GRIA3: variants seen among roughly 807,000 people sequenced by gnomAD.
GRIA3 encodes glutamate ionotropic receptor AMPA type subunit 3.
GRIA3 carries 3 observed loss-of-function variants against 63.0 expected under a neutral mutation model. The ratio of observed to expected loss-of-function variants is 0.05; its 90% CI spans 0.02 to 0.12. GRIA3 has a LOEUF of 0.12. Ranked by LOEUF, GRIA3 falls within the 10% of genes least tolerant of loss-of-function variation. The pLI is 1.00. For missense variants in GRIA3, 347 were observed against 700.9 expected, an observed-to-expected ratio of 0.50 and a Z score of 5.70; for synonymous variants, 274 against 257.9, an observed-to-expected ratio of 1.06 and a Z score of -0.60.
intron 13 of GRIA3, among the ~76,000 whole-genome samples, chrX:123,470,803 C>T (rs2045858085): frequency 8.9e-6 from 1 of 111,989 alleles, no homozygotes; most frequent in Non-Finnish European, 1.9e-5. Flanking sequence ...TTTCTTGGGC[C>T]GTGGGTAATG....
At chrX:123,464,068 A>G (rs1333141377) in intron 12 of GRIA3, among the ~76,000 whole-genome samples, 1 of 110,996 alleles carries the variant, frequency 9.0e-6, no homozygotes, top group Non-Finnish European at 1.9e-5. Flanking sequence ...AAGAGATGAG[A>G]AGGGGACATA....
chrX:123,452,605 A>G (rs1180197438), intron 12 of GRIA3, among the ~76,000 whole-genome samples: 7 of 111,948 alleles, frequency 6.3e-5, no homozygotes, highest in Non-Finnish European at 1.3e-4. Flanking sequence ...CCTCCACACT[A>G]CAATTAATTG....
intron 15 of GRIA3, among the ~76,000 whole-genome samples, chrX:123,487,428 A>G (rs906920799): frequency 1.2e-4 from 13 of 112,050 alleles, no homozygotes; most frequent in African/African-American, 4.2e-4. Flanking sequence ...GCCCATTTTC[A>G]AAGTGATCCA....
At chrX:123,204,597 T>C (rs1927835798) in intron 2 of GRIA3, 18 of 1,127,542 alleles carry the variant, frequency 1.6e-5, no homozygotes, top group Non-Finnish European at 1.9e-5. Flanking sequence ...GGAGATAAAA[T>C]AAAAAGATGA....
chrX:123,309,807 T>G (rs1035713964), intron 3 of GRIA3, among the ~76,000 whole-genome samples: 2 of 111,962 alleles, frequency 1.8e-5, no homozygotes, highest in East Asian at 2.8e-4. Flanking sequence ...TTGCTGGCTC[T>G]GGTGGGGTCT....
chrX:123,305,573 A>G (rs1232069853), intron 3 of GRIA3, among the ~76,000 whole-genome samples: 1 of 111,979 alleles, frequency 8.9e-6, no homozygotes, highest in Non-Finnish European at 1.9e-5. Context: ...ACTGCTTTCG[A>G]GTTTGGCCAT....
At chrX:123,278,999 T>C (rs1195346600) in intron 3 of GRIA3, among the ~76,000 whole-genome samples, 1 of 111,947 alleles carries the variant, frequency 8.9e-6, no homozygotes, top group East Asian at 2.8e-4. Flanking sequence ...ATTGAGTCTG[T>C]AGATCACTTT....
chrX:123,480,221 T>C (rs1049295897), intron 14 of GRIA3, 44 bp downstream of exon 14: 4 of 832,314 alleles, frequency 4.8e-6, no homozygotes, highest in East Asian at 6.3e-5. Flanking sequence ...CAATCACATT[T>C]TGACCCACTG....
intron 3 of GRIA3, among the ~76,000 whole-genome samples, chrX:123,285,599 A>G (rs2044613963): frequency 1.9e-5 from 2 of 105,880 alleles, no homozygotes; most frequent in African/African-American, 3.4e-5. Context: ...AAAAAAAAAA[A>G]AAAGCAGGGG....
chrX:123,220,858 T>C (rs1928271147), intron 2 of GRIA3, among the ~76,000 whole-genome samples: 2 of 111,881 alleles, frequency 1.8e-5, no homozygotes. Flanking sequence ...TGAGGAAATA[T>C]GACTGTCTCA....
rs201600515 is a variant in GRIA3, at chrX:123,300,123, G to T, written c.509-25903G>T. 1.0e-3 allele frequency among the ~76,000 whole-genome samples: 113 copies of T among 110,455 alleles called. No homozygotes were observed. In the East Asian group the frequency reaches 0.012, roughly 12 times the overall value. On this transcript the variant is annotated intron_variant, in intron 3 of 15. Transcript: ENST00000620443. The stretch of plus-strand genomic sequence containing the variant: ...GTTTTTGGATGTGCTGCTGGATTCG[G>T]TTTGCTAGTATTTTGTTGAGGATTT...
chrX:123,192,732 A>G (rs1439298125), intron 2 of GRIA3, among the ~76,000 whole-genome samples: 1 of 111,859 alleles, frequency 8.9e-6, no homozygotes, highest in Non-Finnish European at 1.9e-5. Context: ...AAGGATAAGA[A>G]TAAGGAGAGG....
intron 2 of GRIA3, among the ~76,000 whole-genome samples, chrX:123,199,302 C>T (rs1324035198): frequency 2.1e-5 from 2 of 96,988 alleles, no homozygotes; most frequent in African/African-American, 7.5e-5. Flanking sequence ...TTTTGCTCCC[C>T]TCTCTTCTTC....
intron 11 of GRIA3, among the ~76,000 whole-genome samples, chrX:123,427,525 TA>T (rs778115304): frequency 9.0e-6 from 1 of 110,571 alleles, no homozygotes; most frequent in African/African-American, 3.3e-5. Context: ...CAGGAGATGG[TA>T]AAAAAAATAT....
chrX:123,366,494 C>T (rs1237777089), intron 5 of GRIA3, among the ~76,000 whole-genome samples: 1 of 111,403 alleles, frequency 9.0e-6, no homozygotes, highest in Non-Finnish European at 1.9e-5. Context: ...TGTCAAGGGC[C>T]ATTTATAACT....
chrX:123,375,779 T>C (rs1159537761), intron 5 of GRIA3, among the ~76,000 whole-genome samples: 1 of 111,922 alleles, frequency 8.9e-6, no homozygotes, highest in African/African-American at 3.2e-5. Flanking sequence ...CTCTCAACTT[T>C]AGTGAGCACT....
intron 2 of GRIA3, among the ~76,000 whole-genome samples, chrX:123,251,469 TCGGTCGCCCAGGCTGGAGTGCAGCGGCAC>T (rs1449672593): frequency 1.9e-4 from 21 of 111,568 alleles, no homozygotes; most frequent in Non-Finnish European, 3.6e-4. Context: ...TCTCACTCTG[TCGGTCGCCCAGGCTGGAGTGCAGCGGCAC>T]GATCTCGGCT....
chrX:123,345,452 A>G (rs2045040657), intron 4 of GRIA3, among the ~76,000 whole-genome samples: 4 of 99,614 alleles, frequency 4.0e-5, no homozygotes, highest in Admixed American at 2.2e-4. Flanking sequence ...ACACACACAC[A>G]CACACACACA....
At chrX:123,275,440 G>C (rs1178775256) in intron 3 of GRIA3, among the ~76,000 whole-genome samples, 3 of 112,335 alleles carry the variant, frequency 2.7e-5, no homozygotes, top group Non-Finnish European at 3.8e-5. Context: ...ATCTGTTCTT[G>C]AAGACATTTT....
Sources: gnomAD v4.1 joint callset for allele counts (sites outside exome capture counted in the v4.1 genomes callset) on GRCh38, gnomAD v4.1.1 for gene constraint, MANE v1.5 for transcripts, NCBI Gene and HGNC (gene_info 2026-07-23, HGNC 2026-07-21) for gene names.